The following EYS variants were observed in gnomAD, a reference collection of about 807,000 sequenced individuals.
EYS encodes the protein protein eyes shut homolog.
A neutral mutation model predicts 282.1 loss-of-function variants in EYS; 250 were observed. The observed-to-expected ratio is 0.89, with a 90% confidence interval of 0.80 to 0.98. The LOEUF is 0.98. EYS is among the 50% of genes least tolerant of loss of function. The pLI, the probability that EYS is intolerant of heterozygous loss-of-function variation, is 0.00. For synonymous variants in EYS, 1,355 were observed against 1,282.9 expected (o/e 1.06, Z -1.20); for missense variants, 4,016 against 3,709.0 (o/e 1.08, Z -2.15).
chr6:63,736,728 G>A (rs1268082051), intron 41 of EYS, among the ~76,000 whole-genome samples: 5 of 151,838 alleles, frequency 3.3e-5, no homozygotes, highest in African/African-American at 1.2e-4. Flanking sequence ...AGCATGGAAT[G>A]TTCTTCCATT....
chr6:65,619,530 T>C (rs1388090985), intron 2 of EYS, among the ~76,000 whole-genome samples: 3 of 152,184 alleles, frequency 2.0e-5, no homozygotes, highest in Non-Finnish European at 2.9e-5. Flanking sequence ...CTTTTCCTAA[T>C]TGAATACCCT....
At chr6:64,838,213 T>C (rs1017150640) in intron 19 of EYS, among the ~76,000 whole-genome samples, 2 of 151,944 alleles carry the variant, frequency 1.3e-5, no homozygotes, top group Non-Finnish European at 2.9e-5. Context: ...GGGATTTGAC[T>C]GTGAATCTGT....
intron 28 of EYS, among the ~76,000 whole-genome samples, chr6:64,417,354 C>T (rs565265608): frequency 6.6e-5 from 10 of 152,148 alleles, no homozygotes; most frequent in Non-Finnish European, 1.5e-4. Flanking sequence ...CAGGGGTTTA[C>T]AATGGGTAGC....
intron 12 of EYS, among the ~76,000 whole-genome samples, chr6:65,165,557 T>A (rs1764953081): frequency 6.6e-6 from 1 of 151,224 alleles, no homozygotes. Flanking sequence ...TTACTTTTAT[T>A]CATTAACAGT....
intron 31 of EYS, among the ~76,000 whole-genome samples, chr6:64,128,667 C>T (rs1773865468): frequency 6.6e-6 from 1 of 152,070 alleles, no homozygotes; most frequent in South Asian, 2.1e-4. Flanking sequence ...GATACATTCC[C>T]ACAATTGATA....
intron 26 of EYS, among the ~76,000 whole-genome samples, chr6:64,560,298 A>G (rs1238807009): frequency 6.6e-6 from 1 of 151,734 alleles, no homozygotes; most frequent in Non-Finnish European, 1.5e-5. Context: ...AGGCTTTATA[A>G]TTTTTACTTG....
intron 31 of EYS, among the ~76,000 whole-genome samples, chr6:64,113,925 G>A (rs1582287665): frequency 6.6e-6 from 1 of 152,082 alleles, no homozygotes; most frequent in Admixed American, 6.5e-5. Context: ...AATTTTATTG[G>A]AACTATGCCC....
At chr6:65,371,006 A>G (rs906022865) in intron 8 of EYS, among the ~76,000 whole-genome samples, 2 of 151,866 alleles carry the variant, frequency 1.3e-5, no homozygotes, top group South Asian at 2.1e-4. Flanking sequence ...TCAAGAAAAA[A>G]AAAACACAGA....
At chr6:64,337,572 C>A (rs1296705878) in intron 29 of EYS, among the ~76,000 whole-genome samples, 14 of 151,926 alleles carry the variant, frequency 9.2e-5, no homozygotes, top group Admixed American at 2.0e-4. Context: ...TGGTAACAAT[C>A]CTTTTAACAT....
chr6:65,515,384 G>C (rs1767085307), intron 2 of EYS, among the ~76,000 whole-genome samples: 1 of 152,122 alleles, frequency 6.6e-6, no homozygotes, highest in Non-Finnish European at 1.5e-5. Flanking sequence ...TTGGTGTGGT[G>C]ATACCTCAGG....
chr6:63,934,197 G>A (rs1165302101), intron 35 of EYS, among the ~76,000 whole-genome samples: 1 of 152,112 alleles, frequency 6.6e-6, no homozygotes, highest in Non-Finnish European at 1.5e-5. Flanking sequence ...AAATCACAAC[G>A]AGATACCATC....
chr6:64,824,393 C>T (rs960458180), intron 19 of EYS, among the ~76,000 whole-genome samples: 15 of 151,902 alleles, frequency 9.9e-5, no homozygotes, highest in African/African-American at 2.2e-4. Context: ...GTACATCATA[C>T]GTTTATTGGG....
intron 28 of EYS, among the ~76,000 whole-genome samples, chr6:64,395,171 T>A (rs958635446): frequency 3.3e-5 from 5 of 152,054 alleles, no homozygotes; most frequent in African/African-American, 1.2e-4. Flanking sequence ...GGAACACTTT[T>A]ACACTGTTGG....
At chr6:63,855,153 A>G (rs1408159933) in intron 36 of EYS, among the ~76,000 whole-genome samples, 1 of 152,240 alleles carries the variant, frequency 6.6e-6, no homozygotes, top group Non-Finnish European at 1.5e-5. Context: ...AAAGGGCAAT[A>G]GAGTACTGTG....
intron 26 of EYS, among the ~76,000 whole-genome samples, chr6:64,509,340 C>G (rs1056488633): frequency 6.6e-6 from 1 of 152,084 alleles, no homozygotes; most frequent in African/African-American, 2.4e-5. Flanking sequence ...AGTAGATGAT[C>G]TCTTGATATG....
chr6:64,718,919 ATG>A (rs1771482921), intron 22 of EYS, among the ~76,000 whole-genome samples: 1 of 152,226 alleles, frequency 6.6e-6, no homozygotes, highest in African/African-American at 2.4e-5. Flanking sequence ...GACTTTGCCA[ATG>A]TAATTAAGAC....
At chr6:64,139,904 GT>G (rs1187884641) in intron 31 of EYS, among the ~76,000 whole-genome samples, 1 of 151,796 alleles carries the variant, frequency 6.6e-6, no homozygotes, top group East Asian at 1.9e-4. Flanking sequence ...GGAGGCTGAG[GT>G]TGCAGTGAGC....
At chr6:64,844,109 G>A (rs1015212130) in intron 19 of EYS, among the ~76,000 whole-genome samples, 2 of 152,098 alleles carry the variant, frequency 1.3e-5, no homozygotes, top group Non-Finnish European at 2.9e-5. Flanking sequence ...ATGTGGAACT[G>A]TAAGTCCAAT....
At chr6:64,754,786 G>A (rs149533920) in intron 22 of EYS, among the ~76,000 whole-genome samples, 122 of 152,202 alleles carry the variant, frequency 8.0e-4, no homozygotes, top group Admixed American at 2.2e-3. Flanking sequence ...TAAGCTTGAA[G>A]TAAGCTATCT....
Sources: allele counts gnomAD v4.1 joint callset (sites outside exome capture counted in the v4.1 genomes callset), GRCh38; gene constraint gnomAD v4.1.1; transcripts MANE v1.5; gene names NCBI Gene and HGNC (gene_info 2026-07-23, HGNC 2026-07-21).